DNAAF2: variants seen among roughly 807,000 people sequenced by gnomAD.
DNAAF2 encodes dynein axonemal assembly factor 2.
DNAAF2 carries 58 observed loss-of-function variants against 48.8 expected under a neutral mutation model. The ratio of observed to expected loss-of-function variants is 1.19; its 90% CI spans 0.96 to 1.48. The LOEUF (loss-of-function observed/expected upper bound fraction) is 1.48. DNAAF2 is among the 40% of genes most tolerant of loss of function. The probability of loss-of-function intolerance (pLI) is 0.00; values close to 1 mark genes in which losing one functional copy is unlikely to be tolerated. For synonymous variants in DNAAF2, 567 were observed against 481.2 expected, an observed-to-expected ratio of 1.18 and a Z score of -2.33; for missense variants, 1,241 against 1,116.1, an observed-to-expected ratio of 1.11 and a Z score of -1.59.
chr14:49,635,192 C>A lies in DNAAF2; in HGVS notation c.-43G>T. The stretch of plus-strand genomic sequence containing the variant: ...CGCCCTCGGGCCAAAGGCGATCAGT[C>A]TGACACTGGGTTGGGGGATCCGCCT... On this transcript the variant is annotated 5_prime_UTR_variant, in exon 1 of 3. Coordinates refer to ENST00000298292, the MANE Select transcript of DNAAF2 (RefSeq NM_018139.3). The A allele has an allele frequency of 6.5e-7, 1 of 1,540,822 alleles. No homozygotes were observed. Among genetic ancestry groups the A allele is most frequent in the South Asian group, 1.2e-5 (1 of 83,732 alleles).
At chr14:49,629,862 T>C (rs1053258108) in intron 1 of DNAAF2, 4 of 152,094 alleles carry the variant, frequency 2.6e-5, no homozygotes, top group African/African-American at 9.7e-5. Flanking sequence ...GCAAACTGTA[T>C]AGTTATTAAA....
At chr14:49,627,271 C>T (rs554284462) in intron 2 of DNAAF2, among the ~76,000 whole-genome samples, 147 of 152,226 alleles carry the variant, frequency 9.7e-4, no homozygotes, top group African/African-American at 1.7e-3. Flanking sequence ...TTTTCAGAGC[C>T]GCCCTTCTAA....
rs1457521013 is a variant in DNAAF2, at chr14:49,635,137, C to G, written c.13G>C (p.Ala5Pro). ...AAGTCCTCCAGCGACGAGGAGGCCG[C>G]CGCTTTGGCCATACTGTCCTGTGGC... The part of the protein sequence containing the change: MAKA[A>P]ASSSLEDLDL... The change falls in exon 1 of 3, where the codon GCG becomes CCG. Residue 5 changes from alanine to proline, a missense_variant. Transcript: ENST00000298292. The G allele has an allele frequency of 3.8e-6, 6 of 1,559,460 alleles. No individual in the cohort carries two copies. Among genetic ancestry groups the G allele is most frequent in the Non-Finnish European group, 4.3e-6 (5 of 1,152,224 alleles).
chr14:49,634,816 C>T lies in DNAAF2; in HGVS notation c.334G>A (p.Gly112Ser). ...SSRPGSGGDR[G>S]AAPGSHWSLP... ...GACCAGTGGCTGCCAGGAGCTGCGC[C>T]CCGGTCGCCACCGGAGCCGGGCCGG... Residue 112 changes from glycine (G) to serine (S), a missense_variant, in exon 1 of 3, where the codon GGC (glycine) becomes AGC (serine). Physicochemically the swap from Gly to Ser is moderately conservative, Grantham distance 56. Transcript: ENST00000298292. 1 of 1,549,934 alleles carries T rather than the reference C, an allele frequency of 6.5e-7. No individual in the cohort carries two copies. The highest frequency in any genetic ancestry group is 2.4e-5 in the East Asian group (1 of 41,370).
chr14:49,634,033 A>G lies in DNAAF2; in HGVS notation c.1117T>C (p.Ser373Pro). 1.3e-6 allele frequency: 2 copies of G among 1,521,050 alleles called. No homozygotes were observed. The highest frequency in any genetic ancestry group is 2.5e-5 in the South Asian group (2 of 80,954). The allele number at this position is 1,521,050 out of a possible 1,614,324, so 94.2% of individuals were successfully genotyped here. Residue 373 changes from serine (S) to proline (P), a missense_variant, in exon 1 of 3, where the codon TCC becomes CCC. Ser to Pro is a moderately conservative substitution (Grantham distance 74). Transcript: ENST00000298292. ...GCGCAGGCCTGGCCGTCAGTTCCGG[A>G]CCGGTCCGCGGACTCTTCCGGCGCG... ...AAAPEESADRSGTDGQACASA... is the reference protein window; with the variant it reads ...AAAPEESADRPGTDGQACASA...
At chr14:49,632,327 TCTC>T (rs140658487) in intron 1 of DNAAF2, among the ~76,000 whole-genome samples, 7,591 of 152,234 alleles carry the variant, frequency 0.05, 583 homozygotes, top group African/African-American at 0.17. Flanking sequence ...ATTAGCCACT[TCTC>T]ATAGAGATAC....
chr14:49,630,943 G>T (rs1430282705), intron 1 of DNAAF2, among the ~76,000 whole-genome samples: 1 of 152,014 alleles, frequency 6.6e-6, no homozygotes, highest in Non-Finnish European at 1.5e-5. Context: ...TAGAGACAGG[G>T]TTTCACCTTG....
In DNAAF2 at chr14:49,633,474, A is replaced by T. The variant is rs1259830005; in HGVS notation, c.1676T>A (p.Leu559Ter). ...AACTAAGTCTTGTGCGGAGAAGCGT[A>T]ATTTGTACCAGAGGGGATTCAAATC... The part of the protein sequence containing the change: ...QGDLNPLWYK[L>*]RFSAQDLVYS... Residue 559 changes from leucine to a stop codon, truncating the protein, a stop_gained, in exon 1 of 3, where the codon TTA becomes TAA. Transcript: ENST00000298292. LOFTEE classifies it high-confidence loss of function. 16 of 1,614,044 alleles carry T rather than the reference A, an allele frequency of 9.9e-6. No homozygotes were observed. The highest frequency in any genetic ancestry group is 1.4e-5 in the Non-Finnish European group (16 of 1,179,884).
chr14:49,635,242 G>A lies in DNAAF2; in HGVS notation c.-93C>T. 2 of 1,353,576 alleles carry A rather than the reference G, an allele frequency of 1.5e-6. No individual in the cohort carries two copies. Among genetic ancestry groups the A allele is most frequent in the Non-Finnish European group, 2.1e-6 (2 of 975,380 alleles). 83.8% of individuals were successfully genotyped at this position (1,353,576 alleles called of 1,614,324 possible). A position where few individuals can be genotyped will look rare whatever the true frequency, so the allele number is the denominator to read the frequency against. On this transcript the variant is annotated 5_prime_UTR_variant, in exon 1 of 3. Coordinates refer to ENST00000298292, the MANE Select transcript of DNAAF2 (RefSeq NM_018139.3). ...TCAGAGTTTCTGGGCAGCGTACAGT[G>A]ACGCGGTGGAGGTCGGTAACGGCTG...
In DNAAF2 at chr14:49,635,127, G is replaced by T. The variant is rs137853191; in HGVS notation, c.23C>A (p.Ser8Ter). The change falls in exon 1 of 3, where the codon TCG (serine) becomes TAG (stop). Residue 8 changes from serine to a stop codon, truncating the protein, a stop_gained. Coordinates refer to ENST00000298292, the MANE Select transcript of DNAAF2 (RefSeq NM_018139.3). LOFTEE classifies it high-confidence loss of function. MAKAAAS[S>*]SLEDLDLSGE... ...GCTCAGGTCCAAGTCCTCCAGCGAC[G>T]AGGAGGCCGCCGCTTTGGCCATACT... The T allele has an allele frequency of 2.6e-6, 4 of 1,563,842 alleles. No individual in the cohort carries two copies. The highest frequency in any genetic ancestry group is 1.7e-4 in the Middle Eastern group (1 of 5,964).
At position 49,634,829 on chromosome 14, in the gene DNAAF2, G is replaced by C. The variant is rs944251462; in HGVS notation, c.321C>G (p.Ser107=). Residue 107 remains serine, a synonymous_variant, in exon 1 of 3, where the codon TCC becomes TCG. Coordinates refer to ENST00000298292, the MANE Select transcript of DNAAF2 (RefSeq NM_018139.3). ...CAGGAGCTGCGCCCCGGTCGCCACCGGAGCCGGGCCGGCTGCTGGGCGCGC... is the reference window on the plus strand; with the variant it reads ...CAGGAGCTGCGCCCCGGTCGCCACCCGAGCCGGGCCGGCTGCTGGGCGCGC... ...LVGAPSSRPG[S]GGDRGAAPGS... 4 of 1,546,198 alleles carry C rather than the reference G, an allele frequency of 2.6e-6. No homozygotes were observed. Among genetic ancestry groups the C allele is most frequent in the Non-Finnish European group, 3.5e-6 (4 of 1,146,956 alleles).
chr14:49,628,264 A>T (rs1883062618), intron 1 of DNAAF2, 109 bp from the exon 2 acceptor site: 1 of 943,638 alleles, frequency 1.1e-6, no homozygotes, highest in Non-Finnish European at 1.6e-6. Context: ...TACACTTTTT[A>T]AAATGTTTAT....
Position 49,633,645 on chromosome 14 carries a change from C to T in DNAAF2, c.1505G>A (p.Gly502Asp), listed in dbSNP as rs539768992. The T allele has an allele frequency of 8.7e-6, 14 of 1,612,736 alleles. No homozygotes were observed. In the South Asian group the frequency reaches 1.4e-4, roughly 16 times the overall value. Residue 502 changes from glycine (G) to aspartate (D), a missense_variant, in exon 1 of 3, where the codon GGC (glycine) becomes GAC (aspartate). Coordinates refer to ENST00000298292, the MANE Select transcript of DNAAF2 (RefSeq NM_018139.3). The stretch of plus-strand genomic sequence containing the variant: ...CATGGCGCAGGCTGAGCGCTGGCCG[C>T]CCGTGCCCTCCGACTCCTCGCGTGT... ...VETREESEGT[G>D]GQRSACAMGG...
intron 1 of DNAAF2, among the ~76,000 whole-genome samples, chr14:49,630,554 T>C (rs543289442): frequency 6.6e-5 from 10 of 151,902 alleles, no homozygotes; most frequent in Non-Finnish European, 1.3e-4. Context: ...AGGTGGAAAA[T>C]ATCAGAAAGA....
intron 1 of DNAAF2, among the ~76,000 whole-genome samples, chr14:49,631,202 C>T (rs1883154070): frequency 6.6e-6 from 1 of 152,156 alleles, no homozygotes; most frequent in Non-Finnish European, 1.5e-5. Context: ...ACATCCCCAT[C>T]GAAAGCATTT....
chr14:49,633,237 A>G, intron 1 of DNAAF2, 50 bp downstream of exon 1: 2 of 1,589,564 alleles, frequency 1.3e-6, no homozygotes, highest in African/African-American at 2.7e-5. Context: ...GCAAATTTTT[A>G]AAGTGAGATG....
At chr14:49,628,364 G>A (rs1054391572) in intron 1 of DNAAF2, among the ~76,000 whole-genome samples, 4 of 152,102 alleles carry the variant, frequency 2.6e-5, no homozygotes, top group Non-Finnish European at 5.9e-5. Flanking sequence ...AAACATAAAC[G>A]TATAGAAAAA....
chr14:49,626,602 G>A (rs1883014314), intron 2 of DNAAF2, among the ~76,000 whole-genome samples: 1 of 150,954 alleles, frequency 6.6e-6, no homozygotes. Flanking sequence ...CTGCCTCCAG[G>A]TTCAAACAAT....
chr14:49,625,869 T>G lies in DNAAF2; in HGVS notation c.2187A>C (p.Gln729His), dbSNP rs147110554. The change falls in exon 3 of 3, where the codon CAA becomes CAC. Residue 729 changes from glutamine to histidine, a missense_variant. Gln to His is a conservative substitution (Grantham distance 24, BLOSUM62 0). Transcript: ENST00000298292. Reference sequence around the variant, plus strand: ...TTTGAGAAACATCAAGAGACTCTTGTTGAAAGCATGTAACTAAACCAAAGC... The same window carrying G: ...TTTGAGAAACATCAAGAGACTCTTGGTGAAAGCATGTAACTAAACCAAAGC... ...IDSFGLVTCFQQESLDVSQMI... is the reference protein window; with the variant it reads ...IDSFGLVTCFHQESLDVSQMI... 5.0e-6 allele frequency: 8 copies of G among 1,612,548 alleles called. No homozygotes were observed. The highest frequency in any genetic ancestry group is 5.9e-6 in the Non-Finnish European group (7 of 1,179,498).
Sources: allele counts gnomAD v4.1 joint callset (sites outside exome capture counted in the v4.1 genomes callset), GRCh38; gene constraint gnomAD v4.1.1; transcripts MANE v1.5; gene names NCBI Gene and HGNC (gene_info 2026-07-23, HGNC 2026-07-21).